Variants in ODF2L observed in about 807,000 individuals in gnomAD.
ODF2L encodes the protein outer dense fiber of sperm tails 2 like.
A neutral mutation model predicts 86.3 loss-of-function variants in ODF2L; 76 were observed. The ratio of observed to expected loss-of-function variants is 0.88; its 90% CI spans 0.73 to 1.07. The LOEUF is 1.07. ODF2L is among the 50% of genes least tolerant of loss of function. The pLI is 0.00. For missense variants in ODF2L, 748 were observed against 717.4 expected (o/e 1.04, Z -0.49); for synonymous variants, 241 against 231.3 (o/e 1.04, Z -0.38).
chr1:86,364,736 T>A (rs1055194061), intron 11 of ODF2L, among the ~76,000 whole-genome samples: 2 of 152,132 alleles, frequency 1.3e-5, no homozygotes, highest in African/African-American at 4.8e-5. Context: ...AGCTCCAGCC[T>A]CTATTCTAGA....
chr1:86,378,523 A>G (rs922509277), intron 7 of ODF2L, among the ~76,000 whole-genome samples: 4 of 152,230 alleles, frequency 2.6e-5, no homozygotes, highest in Non-Finnish European at 5.9e-5. Flanking sequence ...CTATAAAGAA[A>G]TACCTGAGAC....
At chr1:86,385,101 T>TA (rs2101397578) in intron 3 of ODF2L, among the ~76,000 whole-genome samples, 1 of 152,062 alleles carries the variant, frequency 6.6e-6, no homozygotes, top group African/African-American at 2.4e-5. Flanking sequence ...TGCTGAAATT[T>TA]AAAAATAGTT....
chr1:86,379,124 T>A (rs1356403679), intron 7 of ODF2L, among the ~76,000 whole-genome samples: 3 of 152,092 alleles, frequency 2.0e-5, no homozygotes, highest in Non-Finnish European at 4.4e-5. Context: ...ACCATAATTG[T>A]AAGTTTCCTG....
intron 7 of ODF2L, 36 bp from the exon 8 acceptor site, chr1:86,376,454 G>C (rs1380152145): frequency 7.6e-7 from 1 of 1,307,380 alleles, no homozygotes; most frequent in East Asian, 2.3e-5. Context: ...AATTATTTCA[G>C]AACTCCAATG....
At chr1:86,366,429 C>CAT (rs1659433644) in intron 11 of ODF2L, among the ~76,000 whole-genome samples, 1 of 139,830 alleles carries the variant, frequency 7.2e-6, no homozygotes, top group Non-Finnish European at 1.5e-5. Context: ...CACACACACA[C>CAT]ACACATACAC....
At position 86,378,300 on chromosome 1, in the gene ODF2L, A is replaced by T. The variant is rs557939060; in HGVS notation, c.625-1882T>A. Among the ~76,000 whole-genome samples, 12 of 152,296 alleles carry T rather than the reference A, an allele frequency of 7.9e-5. No homozygotes were observed. The South Asian group carries it at 2.5e-3, about 32-fold the overall frequency. On this transcript the variant is annotated intron_variant, in intron 7 of 17. Transcript: ENST00000317336. ...CCTCAGCCAGGACTTCATTGTCCATATCACTATCAGCATTTTGCTCAACAC... is the reference window on the plus strand; with the variant it reads ...CCTCAGCCAGGACTTCATTGTCCATTTCACTATCAGCATTTTGCTCAACAC...
intron 1 of ODF2L, among the ~76,000 whole-genome samples, chr1:86,391,208 C>A (rs1188553920): frequency 6.6e-6 from 1 of 152,164 alleles, no homozygotes; most frequent in Non-Finnish European, 1.5e-5. Context: ...ACAAATGGAA[C>A]ACAACCCATG....
At chr1:86,376,408 G>A in exon 8 of ODF2L, 2 of 1,575,754 alleles carry the variant, frequency 1.3e-6, no homozygotes, top group Non-Finnish European at 1.7e-6. Flanking sequence ...GGCTATCTTG[G>A]TTTCTAAGCT....
At chr1:86,376,282 T>A in exon 8 of ODF2L, 1 of 1,613,096 alleles carries the variant, frequency 6.2e-7, no homozygotes, top group Non-Finnish European at 8.5e-7. Context: ...TGTAAAATGG[T>A]CAAGCCTTTG....
Position 86,352,894 on chromosome 1 carries a change from C to A in ODF2L, c.1858G>T (p.Glu620Ter). 6.4e-7 allele frequency: 1 copy of A among 1,552,200 alleles called. No individual in the cohort carries two copies. The highest frequency in any genetic ancestry group is 8.9e-7 in the Non-Finnish European group (1 of 1,128,658). ...TTGCAAACAAGTTGATTTTGTTCTT[C>A]ATTTTTCTTTCTAAGCTCAGTTTCC... Residue 620 changes from glutamate to a stop codon, truncating the protein, a stop_gained, in exon 17 of 18, where the codon GAA becomes TAA. Coordinates refer to ENST00000317336, the Ensembl canonical transcript of ODF2L. LOFTEE classifies it high-confidence loss of function.
exon 18 of ODF2L, chr1:86,352,066 C>G: frequency 7.4e-7 from 1 of 1,345,934 alleles, no homozygotes; most frequent in Non-Finnish European, 9.6e-7. Context: ...ACGTTTTGTT[C>G]TGACTAAGTT....
At chr1:86,347,881 G>T (rs1057209702), downstream of ODF2L, 5 of 152,234 alleles carry the variant, frequency 3.3e-5, 1 homozygote, top group Middle Eastern at 0.017. Flanking sequence ...TAGCAAACAA[G>T]TTCTTTTTCA....
chr1:86,366,435 TACAC>T (rs1364422300), intron 11 of ODF2L, among the ~76,000 whole-genome samples: 1 of 104,466 alleles, frequency 9.6e-6, no homozygotes, highest in African/African-American at 3.7e-5. Flanking sequence ...CACACACACA[TACAC>T]ATACACATAC....
intron 1 of ODF2L, among the ~76,000 whole-genome samples, chr1:86,394,411 C>CAAA (rs34652957): frequency 2.6e-5 from 3 of 115,584 alleles, no homozygotes; most frequent in East Asian, 2.9e-4. Context: ...GACTCCATCT[C>CAAA]AAAAAAAAAA....
chr1:86,363,279 A>T (rs945663079), intron 11 of ODF2L, among the ~76,000 whole-genome samples: 9 of 152,190 alleles, frequency 5.9e-5, no homozygotes, highest in African/African-American at 1.9e-4. Context: ...CACCTATTAA[A>T]TATTGACATG....
intron 16 of ODF2L, 49 bp downstream of exon 15, chr1:86,354,480 GA>G (rs753895227): frequency 9.2e-6 from 11 of 1,200,274 alleles, no homozygotes; most frequent in Non-Finnish European, 1.3e-5. Context: ...TTAAAAAGAT[GA>G]CTCTTTGGTA....
intron 15 of ODF2L, 36 bp from the exon 15 acceptor site, chr1:86,354,728 G>A (rs749170658): frequency 2.1e-5 from 32 of 1,554,244 alleles, no homozygotes; most frequent in Non-Finnish European, 2.7e-5. Flanking sequence ...AAATGTTAAT[G>A]TGCAGAGAAA....
intron 6 of ODF2L, 33 bp from the exon 7 acceptor site, chr1:86,382,391 T>C (rs1361973300): frequency 1.2e-6 from 2 of 1,605,404 alleles, no homozygotes; most frequent in African/African-American, 1.4e-5. Context: ...ACCAAAAAAA[T>C]CCATATTATT....
intron 7 of ODF2L, among the ~76,000 whole-genome samples, chr1:86,381,488 C>A (rs945029412): frequency 1.3e-5 from 2 of 152,026 alleles, no homozygotes; most frequent in South Asian, 2.1e-4. Context: ...CTACAGGCTG[C>A]AGACATCTGC....
Sources: allele counts gnomAD v4.1 joint callset (sites outside exome capture counted in the v4.1 genomes callset), GRCh38; gene constraint gnomAD v4.1.1; transcripts MANE v1.5; gene names NCBI Gene and HGNC (gene_info 2026-07-23, HGNC 2026-07-21).